Variants in OPLAH observed in about 807,000 individuals in gnomAD.
The protein encoded by OPLAH is 5-oxoprolinase, ATP-hydrolysing.
A neutral mutation model predicts 122.8 loss-of-function variants in OPLAH; 103 were observed. That is an observed-to-expected ratio of 0.84 (90% CI 0.71 to 0.99). OPLAH has a LOEUF of 0.99. Ranked by LOEUF, OPLAH falls within the 50% of genes least tolerant of loss-of-function variation. OPLAH has a pLI of 0.00. For synonymous variants in OPLAH, 875 were observed against 796.0 expected, an observed-to-expected ratio of 1.10 and a Z score of -1.67; for missense variants, 1,902 against 1,836.5, an observed-to-expected ratio of 1.04 and a Z score of -0.65.
Position 144,053,053 on chromosome 8 carries a change from TCCA to T in OPLAH, c.2945_2947del (p.Leu982_Glu983delinsGln), listed in dbSNP as rs782477100. On this transcript the variant is annotated inframe_deletion, in exon 21 of 27. Transcript: ENST00000618853. ...GTCCATGTGGTCTTCCGAGGACACCTCCAGGGGCAGGCCCCGGGCCTGCCGGGA... is the reference window on the plus strand; with the variant it reads ...GTCCATGTGGTCTTCCGAGGACACCTGGGGCAGGCCCCGGGCCTGCCGGGA... 6.0e-5 allele frequency: 96 copies of T among 1,602,466 alleles called. No homozygotes were observed. Among genetic ancestry groups the T allele is most frequent in the Non-Finnish European group, 7.7e-5 (90 of 1,175,792 alleles).
intron 19 of OPLAH, 148 bp downstream of exon 19, chr8:144,054,413 G>A: frequency 1.2e-6 from 1 of 838,296 alleles, no homozygotes. Flanking sequence ...ATCTGCAGCT[G>A]CCCTTTGGGG....
chr8:144,055,705 C>T lies in OPLAH; in HGVS notation c.2248+83G>A. ...TCGCCAGGGGGTCCTGCTTCTGCCT[C>T]TCCCTTTGGGCACAGCCCTGCCAGC... On this transcript the variant is annotated intron_variant, in intron 16 of 26. Coordinates refer to ENST00000618853, the MANE Select transcript of OPLAH (RefSeq NM_017570.5). The surrounding 1 kb of genome is among the most constrained non-coding windows in gnomAD (Gnocchi z 6.5). 1 of 1,395,452 alleles carries T rather than the reference C, an allele frequency of 7.2e-7. No individual in the cohort carries two copies. Among genetic ancestry groups the T allele is most frequent in the Non-Finnish European group, 9.3e-7 (1 of 1,070,788 alleles). 86.4% of individuals were successfully genotyped at this position (1,395,452 alleles called of 1,614,324 possible).
In OPLAH at chr8:144,052,577, C is replaced by A. The variant is rs1175213897; in HGVS notation, c.3175G>T (p.Val1059Leu). The change falls in exon 23 of 27, where the codon GTG becomes TTG. Residue 1059 changes from valine to leucine, a missense_variant. Physicochemically the swap from Val to Leu is conservative, Grantham distance 32. Transcript: ENST00000618853. ...AGGATGGAGCCTCGGGGAATGACCA[C>A]GCGCACTGGCGCCAGGCAGCCCTGT... ...LNQGCLAPVR[V>L]VIPRGSILDP... The A allele has an allele frequency of 1.9e-6, 3 of 1,596,170 alleles. No homozygotes were observed. The highest frequency in any genetic ancestry group is 2.2e-5 in the East Asian group (1 of 44,642).
chr8:144,054,936 G>A (rs1554758592), intron 17 of OPLAH, 23 bp from the exon 18 acceptor site: 3 of 1,546,828 alleles, frequency 1.9e-6, no homozygotes, highest in Admixed American at 3.5e-5. Context: ...GATGGGTGCA[G>A]AGTGGGCACA....
Position 144,057,099 on chromosome 8 carries a change from C to T in OPLAH, c.1555G>A (p.Ala519Thr). ...ACGTCAGCCAGGGCCAGCCCCAGGG[C>T]CGACAGCAGCCCACTGTGCCTGCAG... Reference protein sequence around the residue: ...HIHRHSGLLSALGLALADVVH... With the variant: ...HIHRHSGLLSTLGLALADVVH... Residue 519 changes from alanine to threonine, a missense_variant, in exon 12 of 27, where the codon GCC becomes ACC. Coordinates refer to ENST00000618853, the MANE Select transcript of OPLAH (RefSeq NM_017570.5). 6.2e-7 allele frequency: 1 copy of T among 1,600,712 alleles called. No individual in the cohort carries two copies. The highest frequency in any genetic ancestry group is 2.3e-5 in the East Asian group (1 of 44,404).
At position 144,059,979 on chromosome 8, in the gene OPLAH, G is replaced by T; in HGVS notation, c.54C>A (p.Phe18Leu). Residue 18 changes from phenylalanine to leucine, a missense_variant, in exon 2 of 27, where the codon TTC becomes TTA. Phe to Leu is a conservative substitution (Grantham distance 22). Coordinates refer to ENST00000618853, the MANE Select transcript of OPLAH (RefSeq NM_017570.5). Reference sequence around the variant, plus strand: ...CTGGGCACTGGGCAAAGACGTCTGTGAAGGTACCCCCACGGTCGATGGCAA... The same window carrying T: ...CTGGGCACTGGGCAAAGACGTCTGTTAAGGTACCCCCACGGTCGATGGCAA... Reference protein sequence around the residue: ...FHFAIDRGGTFTDVFAQCPGG... With the variant: ...FHFAIDRGGTLTDVFAQCPGG... 1 of 1,612,754 alleles carries T rather than the reference G, an allele frequency of 6.2e-7. No homozygotes were observed. The highest frequency in any genetic ancestry group is 8.5e-7 in the Non-Finnish European group (1 of 1,179,818).
At chr8:144,053,616 G>A (rs1554758269) in intron 19 of OPLAH, among the ~76,000 whole-genome samples, 1 of 152,020 alleles carries the variant, frequency 6.6e-6, no homozygotes, top group East Asian at 1.9e-4. Flanking sequence ...TCCCTCTGTG[G>A]TCCACAACCC....
At chr8:144,054,958 G>A (rs1554758604) in intron 17 of OPLAH, 45 bp from the exon 18 acceptor site, 3 of 980,590 alleles carry the variant, frequency 3.1e-6, no homozygotes, top group South Asian at 3.3e-5. Context: ...GGGAGCAGGG[G>A]CCAGAGCGGG....
At chr8:144,052,666 C>A (rs561852042) in intron 22 of OPLAH, 68 bp from the exon 23 acceptor site, 57 of 1,531,466 alleles carry the variant, frequency 3.7e-5, no homozygotes, top group Non-Finnish European at 4.8e-5. Flanking sequence ...CCCCACCCCC[C>A]GCCCCAGCAC....
Position 144,057,222 on chromosome 8 carries a change from CGT to C in OPLAH, c.1519_1520del (p.Thr507GlyfsTer19). On this transcript the variant is annotated frameshift_variant, in exon 11 of 27. Transcript: ENST00000618853. LOFTEE classifies it high-confidence loss of function. ...CAIARALGMD[T>X]VHIHRHSGLL... ...CCCAGGCCCACCTGTGGATGTGCAC[CGT>C]GTCCATGCCCAGGGCCCGGGCGATG... The C allele has an allele frequency of 6.2e-7, 1 of 1,611,782 alleles. No homozygotes were observed. The highest frequency in any genetic ancestry group is 8.5e-7 in the Non-Finnish European group (1 of 1,179,518).
At chr8:144,059,514 CCAA>C in intron 3 of OPLAH, 82 bp downstream of exon 3, 2 of 1,400,970 alleles carry the variant, frequency 1.4e-6, no homozygotes, top group Non-Finnish European at 9.7e-7. Flanking sequence ...CATCACTAAT[CCAA>C]CAACTGCTCT....
rs782662415 is a variant in OPLAH, at chr8:144,057,485, T to C, written c.1385A>G (p.Asn462Ser). 6 of 1,595,378 alleles carry C rather than the reference T, an allele frequency of 3.8e-6. No homozygotes were observed. The highest frequency in any genetic ancestry group is 1.8e-5 in the Admixed American group (1 of 56,810). Reference protein sequence around the residue: ...EVAMGFVRVANEAMCRPIRAL... With the variant: ...EVAMGFVRVASEAMCRPIRAL... ...ACGGATGGGCCGGCACATGGCCTCG[T>C]TGGCCACGCGCACGAACCCCATGGC... The change falls in exon 10 of 27, where the codon AAC becomes AGC. Residue 462 changes from asparagine to serine, a missense_variant. By Grantham distance (46) the Asn-to-Ser change is conservative. Around this residue, in one of 3 missense-constraint regions of OPLAH, gnomAD observed 1,726 missense variants for 1,642.1 expected, o/e 1.05. Transcript: ENST00000618853.
chr8:144,062,935 C>T (rs1399881453), upstream of OPLAH, among the ~76,000 whole-genome samples: 5 of 151,890 alleles, frequency 3.3e-5, no homozygotes, highest in African/African-American at 7.3e-5. Context: ...CACTCCACTG[C>T]GCGTCTCGGG....
upstream of OPLAH, among the ~76,000 whole-genome samples, chr8:144,063,541 G>T (rs991558416): frequency 5.9e-5 from 9 of 152,174 alleles, no homozygotes; most frequent in African/African-American, 2.2e-4. The surrounding 1 kb of genome is among the most constrained non-coding windows in gnomAD (Gnocchi z 4.2). Flanking sequence ...TCCCTCGCCC[G>T]CTCAGGCTCT....
At chr8:144,061,055 CTG>C (rs1835654812), upstream of OPLAH, among the ~76,000 whole-genome samples, 1 of 152,240 alleles carries the variant, frequency 6.6e-6, no homozygotes, top group South Asian at 2.1e-4. Flanking sequence ...AGGGGAGGCC[CTG>C]CGGCCTTCTC....
In OPLAH at chr8:144,053,300, A is replaced by T. The variant is rs1554758207; in HGVS notation, c.2780T>A (p.Val927Glu). ...CTGGATGCCCTTCTGGTTGGCTGCC[A>T]CCTGGGCACGGAGGTCCGACAGGTT... The part of the protein sequence containing the change: ...HDNLSDLRAQ[V>E]AANQKGIQLV... Residue 927 changes from valine to glutamate, a missense_variant, in exon 20 of 27, where the codon GTG (valine) becomes GAG (glutamate). Physicochemically the swap from Val to Glu is moderately radical, Grantham distance 121. Transcript: ENST00000618853. 1 of 1,612,808 alleles carries T rather than the reference A, an allele frequency of 6.2e-7. No individual in the cohort carries two copies.
In OPLAH at chr8:144,055,842, G is replaced by T; in HGVS notation, c.2194C>A (p.Gln732Lys). ...ATGGACAGCTGGATAGGGTCCAGCT[G>T]GGGGCCCACTGTGCCGGGGACTTCG... ...GAEVPGTVGP[Q>K]LDPIQLSIFS... Residue 732 changes from glutamine to lysine, a missense_variant, in exon 16 of 27, where the codon CAG (glutamine) becomes AAG (lysine). Gln to Lys is a moderately conservative substitution (Grantham distance 53, BLOSUM62 1). Around this residue, in one of 3 missense-constraint regions of OPLAH, gnomAD observed 1,726 missense variants for 1,642.1 expected, o/e 1.05. Coordinates refer to ENST00000618853, the MANE Select transcript of OPLAH (RefSeq NM_017570.5). The surrounding 1 kb of genome is among the most constrained non-coding windows in gnomAD (Gnocchi z 6.5). 1 of 1,575,276 alleles carries T rather than the reference G, an allele frequency of 6.3e-7. No individual in the cohort carries two copies. Among genetic ancestry groups the T allele is most frequent in the Admixed American group, 1.8e-5 (1 of 54,614 alleles).
At chr8:144,052,395 C>T in intron 23 of OPLAH, 54 bp downstream of exon 23, 2 of 1,522,980 alleles carry the variant, frequency 1.3e-6, no homozygotes, top group Non-Finnish European at 1.8e-6. Context: ...CCCGCTCCTA[C>T]TCCAGCCTGC....
chr8:144,055,177 C>A lies in OPLAH; in HGVS notation c.2261G>T (p.Arg754Leu), dbSNP rs374445574. Residue 754 changes from arginine to leucine, a missense_variant, in exon 17 of 27, where the codon CGC becomes CTC. Coordinates refer to ENST00000618853, the MANE Select transcript of OPLAH (RefSeq NM_017570.5). This position sits in a 1 kb window ranked among gnomAD's most constrained non-coding sequence, Gnocchi z 6.5. ...RFMSIAEQMG[R>L]ILQRTAISTN... is the part of the protein sequence containing the mutation. ...GGAGATGGCTGTGCGCTGCAGGATG[C>A]GGCCCATCTGCTCTAGGAGCACAAA... 2 of 1,541,188 alleles carry A rather than the reference C, an allele frequency of 1.3e-6. No individual in the cohort carries two copies. The highest frequency in any genetic ancestry group is 1.7e-6 in the Non-Finnish European group (2 of 1,145,906).
Sources: gnomAD v4.1 joint callset for allele counts (sites outside exome capture counted in the v4.1 genomes callset) on GRCh38, gnomAD v4.1.1 for gene constraint, gnomAD v4.1.1 regional missense constraint, Gnocchi (gnomAD v3.1) non-coding constraint, MANE v1.5 for transcripts, NCBI Gene and HGNC (gene_info 2026-07-23, HGNC 2026-07-21) for gene names.